Variants in SMG1 observed in about 807,000 individuals in gnomAD.
The protein encoded by SMG1 is serine/threonine-protein kinase SMG1.
A neutral mutation model predicts 419.9 loss-of-function variants in SMG1; 22 were observed. The ratio of observed to expected loss-of-function variants is 0.05; its 90% CI spans 0.04 to 0.07. The LOEUF is 0.07. Among genes scored for constraint, SMG1 ranks in the 10% least tolerant of loss-of-function variants. The probability of loss-of-function intolerance (pLI) is 1.00; values close to 1 mark genes in which losing one functional copy is unlikely to be tolerated. For missense variants in SMG1, 3,185 were observed against 4,342.0 expected, an observed-to-expected ratio of 0.73 and a Z score of 7.49; for synonymous variants, 1,538 against 1,553.5, an observed-to-expected ratio of 0.99 and a Z score of 0.23.
At position 18,877,030 on chromosome 16, in the gene SMG1, C is replaced by T. The variant is rs190649071; in HGVS notation, c.1620+101G>A. 91 of 804,694 alleles carry T rather than the reference C, an allele frequency of 1.1e-4. No individual in the cohort carries two copies. The Admixed American group carries it at 2.1e-3, about 19-fold the overall frequency. The allele number at this position is 804,694 out of a possible 1,614,324, so 49.8% of individuals were successfully genotyped here. On this transcript the variant is annotated intron_variant, in intron 12 of 62. Coordinates refer to ENST00000446231, the MANE Select transcript of SMG1 (RefSeq NM_015092.5). The stretch of plus-strand genomic sequence containing the variant: ...TCACTATATTCTAAATCAAACATTT[C>T]ACATTTCACTCAATTTCACTTATAC...
At chr16:18,817,983 C>A (rs1019732155) in intron 56 of SMG1, among the ~76,000 whole-genome samples, 8 of 151,578 alleles carry the variant, frequency 5.3e-5, no homozygotes, top group Non-Finnish European at 2.9e-5. Context: ...CTCACTGTAG[C>A]CTTAAACTCC....
At chr16:18,878,762 C>A (rs190463770) in intron 11 of SMG1, 12 of 152,696 alleles carry the variant, frequency 7.9e-5, no homozygotes, top group African/African-American at 2.9e-4. Context: ...AATCCCAGTA[C>A]TTTGGGAGGC....
chr16:18,811,718 C>T (rs747793876), intron 62 of SMG1, 43 bp downstream of exon 62: 9 of 1,516,888 alleles, frequency 5.9e-6, no homozygotes, highest in Admixed American at 1.7e-5. Flanking sequence ...TCTACTTTTC[C>T]AGCAGCATTA....
At chr16:18,837,486 A>G (rs2033649557) in intron 45 of SMG1, 43 bp from the exon 46 acceptor site, 1 of 1,511,242 alleles carries the variant, frequency 6.6e-7, no homozygotes, top group Non-Finnish European at 9.1e-7. Flanking sequence ...TACAGGGCCA[A>G]TTTTGAGACA....
At chr16:18,902,270 A>G (rs961913238) in intron 1 of SMG1, among the ~76,000 whole-genome samples, 6 of 152,168 alleles carry the variant, frequency 3.9e-5, no homozygotes, top group Non-Finnish European at 8.8e-5. Context: ...CAACATTTGG[A>G]ACTTCCCCGA....
intron 39 of SMG1, among the ~76,000 whole-genome samples, chr16:18,844,008 T>TACACACACAC (rs71141072): frequency 2.0e-5 from 3 of 150,720 alleles, no homozygotes; most frequent in African/African-American, 7.3e-5. Context: ...TCTATGATTA[T>TACACACACAC]ACACACACAC....
intron 55 of SMG1, among the ~76,000 whole-genome samples, chr16:18,820,027 G>A (rs1360293438): frequency 1.3e-5 from 2 of 151,996 alleles, no homozygotes; most frequent in East Asian, 1.9e-4. Context: ...TTGCAGTGGT[G>A]CAATCTCAGC....
intron 28 of SMG1, chr16:18,858,586 T>C (rs563509905): frequency 3.6e-4 from 82 of 225,056 alleles, no homozygotes; most frequent in Non-Finnish European, 6.7e-4. Context: ...GCACATTTAC[T>C]ATAAAGCAGA....
chr16:18,861,815 C>T (rs574003488), intron 25 of SMG1, among the ~76,000 whole-genome samples: 4 of 152,288 alleles, frequency 2.6e-5, no homozygotes, highest in South Asian at 4.1e-4. Context: ...AAAAAGTAGG[C>T]TTTAATTTCC....
chr16:18,881,125 A>G (rs1395608463), intron 10 of SMG1, among the ~76,000 whole-genome samples: 1 of 151,126 alleles, frequency 6.6e-6, no homozygotes, highest in African/African-American at 2.4e-5. Context: ...CTCCAAAAAA[A>G]AATTAAATTA....
At chr16:18,863,902 T>C (rs2035346902) in intron 24 of SMG1, 51 bp from the exon 25 acceptor site, 1 of 1,590,708 alleles carries the variant, frequency 6.3e-7, no homozygotes, top group Non-Finnish European at 8.6e-7. Context: ...CAGTTAGAAA[T>C]ATTTCAAAGA....
rs1031816224 is a variant in SMG1, at chr16:18,806,193, A to C, written c.*3376T>G. On this transcript the variant is annotated 3_prime_UTR_variant, in exon 63 of 63. Coordinates refer to ENST00000446231, the MANE Select transcript of SMG1 (RefSeq NM_015092.5). ...TTCCTTAAATTTCACACGTCAGAAC[A>C]ACCACAATTAAAAAAACAAAAAACA... is the stretch of plus-strand genomic sequence containing the variant. 2.0e-5 allele frequency: 3 copies of C among 152,624 alleles called. No individual in the cohort carries two copies. The highest frequency in any genetic ancestry group is 2.9e-5 in the Non-Finnish European group (2 of 68,028). 9.5% of individuals were successfully genotyped at this position (152,624 alleles called of 1,614,324 possible).
intron 1 of SMG1, chr16:18,911,394 T>C (rs908460374): frequency 6.6e-6 from 1 of 151,962 alleles, no homozygotes; most frequent in Non-Finnish European, 1.5e-5. Flanking sequence ...TGTAATCCTA[T>C]CTACTCAGGA....
chr16:18,835,370 C>T (rs935102961), intron 48 of SMG1, among the ~76,000 whole-genome samples: 3 of 152,162 alleles, frequency 2.0e-5, no homozygotes, highest in East Asian at 1.9e-4. Context: ...CCAGGCACCA[C>T]GGCTCATACC....
At chr16:18,895,104 A>G (rs1596616176) in intron 3 of SMG1, among the ~76,000 whole-genome samples, 1 of 152,024 alleles carries the variant, frequency 6.6e-6, no homozygotes, top group Non-Finnish European at 1.5e-5. Flanking sequence ...GGCAGGAGCC[A>G]CTGCACCTGG....
intron 60 of SMG1, among the ~76,000 whole-genome samples, chr16:18,814,550 T>C (rs1298807589): frequency 6.6e-6 from 1 of 152,016 alleles, no homozygotes; most frequent in Non-Finnish European, 1.5e-5. Context: ...CTATTCAAAT[T>C]AGCAAAGCAT....
intron 1 of SMG1, among the ~76,000 whole-genome samples, chr16:18,916,571 G>A (rs939865089): frequency 6.9e-6 from 1 of 145,544 alleles, no homozygotes; most frequent in Non-Finnish European, 1.5e-5. Flanking sequence ...CTCTGCATGA[G>A]CAAACTCCAC....
intron 1 of SMG1, among the ~76,000 whole-genome samples, chr16:18,910,704 A>G (rs1357590975): frequency 1.3e-5 from 2 of 152,064 alleles, no homozygotes; most frequent in East Asian, 3.9e-4. Flanking sequence ...TAATGATATG[A>G]TATTTCCCAT....
At chr16:18,828,938 C>A (rs189589958) in intron 54 of SMG1, among the ~76,000 whole-genome samples, 1 of 151,030 alleles carries the variant, frequency 6.6e-6, no homozygotes, top group Admixed American at 6.6e-5. Context: ...GCGGAGGTTG[C>A]GGTGAGCCGA....
Sources: gnomAD v4.1 joint callset for allele counts (sites outside exome capture counted in the v4.1 genomes callset) on GRCh38, gnomAD v4.1.1 for gene constraint, MANE v1.5 for transcripts, NCBI Gene and HGNC (gene_info 2026-07-23, HGNC 2026-07-21) for gene names.